The following CELSR1 variants were observed in gnomAD, a reference collection of about 807,000 sequenced individuals.
CELSR1 encodes the protein cadherin EGF LAG seven-pass G-type receptor 1.
In CELSR1, 110 loss-of-function variants were observed where a neutral mutation model predicts 249.1. That is an observed-to-expected ratio of 0.44 (90% CI 0.38 to 0.52). The LOEUF (loss-of-function observed/expected upper bound fraction) is 0.52, where lower values mean the gene tolerates loss of function less well. Among genes scored for constraint, CELSR1 ranks in the 20% least tolerant of loss-of-function variants. CELSR1 has a pLI of 0.00. For missense variants in CELSR1, 4,109 were observed against 4,296.4 expected (o/e 0.96, Z 1.22); for synonymous variants, 2,113 against 1,900.0 (o/e 1.11, Z -2.92).
intron 1 of CELSR1, among the ~76,000 whole-genome samples, chr22:46,525,874 C>T (rs1017965508): frequency 1.3e-5 from 2 of 152,264 alleles, no homozygotes; most frequent in African/African-American, 4.8e-5. Context: ...ACACTGGGGC[C>T]AGCGTGGGGT....
chr22:46,366,263 C>G (rs145438287), intron 30 of CELSR1, 123 bp downstream of exon 30: 6 of 278,308 alleles, frequency 2.2e-5, no homozygotes, highest in African/African-American at 9.4e-5. Flanking sequence ...GAAGAAGGTG[C>G]GGGTGGAAAG....
rs774566077 is a variant in CELSR1 at position 46,464,296 on chromosome 22, G to A, written c.3594C>T (p.Ile1198=). ...TAFCTLRVTI[I]TDDMLTNSIT... ...TGCTGTTGGTCAGCATGTCGTCCGTGATGATGGTGACACGCAGGGTGCAGA... is the reference window on the plus strand; with the variant it reads ...TGCTGTTGGTCAGCATGTCGTCCGTAATGATGGTGACACGCAGGGTGCAGA... Residue 1198 remains isoleucine (I), a synonymous_variant, in exon 2 of 35, where the codon ATC becomes ATT. Coordinates refer to ENST00000674500, the MANE Select transcript of CELSR1 (RefSeq NM_001378328.1). The surrounding 1 kb of genome is among the most constrained non-coding windows in gnomAD (Gnocchi z 8.5). The A allele has an allele frequency of 6.2e-6, 10 of 1,613,348 alleles. No individual in the cohort carries two copies. The highest frequency in any genetic ancestry group is 8.5e-6 in the Non-Finnish European group (10 of 1,180,042).
intron 1 of CELSR1, among the ~76,000 whole-genome samples, chr22:46,525,443 C>T (rs1322042095): frequency 2.3e-5 from 1 of 42,658 alleles, no homozygotes. Flanking sequence ...AAGCAAAACT[C>T]TGTCTCAAAA....
intron 1 of CELSR1, among the ~76,000 whole-genome samples, chr22:46,469,702 C>T (rs199502565): frequency 6.6e-4 from 100 of 151,344 alleles, no homozygotes; most frequent in East Asian, 6.6e-3. Flanking sequence ...TTTTAGTAGA[C>T]GAGGTTTCAC....
chr22:46,527,511 G>A lies in CELSR1; in HGVS notation c.3544+6116C>T, dbSNP rs1217038325. Among the ~76,000 whole-genome samples the A allele has an allele frequency of 6.6e-6, 1 of 152,160 alleles. No homozygotes were observed. The highest frequency in any genetic ancestry group is 2.1e-4 in the South Asian group (1 of 4,818). ...CAGCCCGCCCTTGCCTGCACCTGGT[G>A]TCACCACTCTACCCCTGAGCTCAGC... On this transcript the variant is annotated intron_variant, in intron 1 of 34. Coordinates refer to ENST00000674500, the MANE Select transcript of CELSR1 (RefSeq NM_001378328.1). The surrounding 1 kb of genome is among the most constrained non-coding windows in gnomAD (Gnocchi z 5.5).
chr22:46,442,324 C>A (rs1331307512), intron 2 of CELSR1, among the ~76,000 whole-genome samples: 1 of 152,260 alleles, frequency 6.6e-6, no homozygotes, highest in Non-Finnish European at 1.5e-5. Flanking sequence ...CTCGCTGGGG[C>A]AGCCCCCATC....
At chr22:46,415,030 C>T (rs1288543645) in intron 5 of CELSR1, among the ~76,000 whole-genome samples, 1 of 152,190 alleles carries the variant, frequency 6.6e-6, no homozygotes, top group South Asian at 2.1e-4. Flanking sequence ...AAAGGCCATG[C>T]ACCGCGTGAC....
chr22:46,411,044 CA>C lies in CELSR1; in HGVS notation c.4770-484del, dbSNP rs2079328541. Among the ~76,000 whole-genome samples the C allele has an allele frequency of 6.6e-6, 1 of 151,992 alleles. No homozygotes were observed. Among genetic ancestry groups the C allele is most frequent in the Admixed American group, 6.6e-5 (1 of 15,264 alleles). On this transcript the variant is annotated intron_variant, in intron 6 of 34. Transcript: ENST00000674500. The surrounding 1 kb of genome is among the most constrained non-coding windows in gnomAD (Gnocchi z 4.2). ...AACAGGATGGTGTCTACTAAAAATA[CA>C]AAAATTAGCTGGGCGTGGTGGTGCA...
In CELSR1 at chr22:46,399,021, A is replaced by C. The variant is rs1321011864; in HGVS notation, c.5413-384T>G. On this transcript the variant is annotated intron_variant, in intron 10 of 34. Transcript: ENST00000674500. This position sits in a 1 kb window ranked among gnomAD's most constrained non-coding sequence, Gnocchi z 5.0. Reference sequence around the variant, plus strand: ...TCACTCATTAACACTGTGGGAACCCAAGAGGGTCTCGGCTGAGATCCAGTC... The same window carrying C: ...TCACTCATTAACACTGTGGGAACCCCAGAGGGTCTCGGCTGAGATCCAGTC... Among the ~76,000 whole-genome samples the C allele has an allele frequency of 2.6e-5, 4 of 152,196 alleles. No homozygotes were observed.
intron 1 of CELSR1, among the ~76,000 whole-genome samples, chr22:46,498,971 G>A (rs2080441163): frequency 1.3e-5 from 2 of 151,888 alleles, no homozygotes; most frequent in South Asian, 4.2e-4. Context: ...CCTGAGGTCA[G>A]GAGTTCAAGA....
intron 1 of CELSR1, among the ~76,000 whole-genome samples, chr22:46,474,846 CTGCAGGTCCCA>C (rs1274817324): frequency 3.2e-5 from 4 of 125,428 alleles, no homozygotes; most frequent in Admixed American, 2.1e-4. Flanking sequence ...TGAACTCAAG[CTGCAGGTCCCA>C]GGCAGGTCAC....
chr22:46,415,086 A>G (rs1224916630), intron 5 of CELSR1, among the ~76,000 whole-genome samples: 1 of 152,234 alleles, frequency 6.6e-6, no homozygotes, highest in Non-Finnish European at 1.5e-5. Flanking sequence ...ACAGACACAG[A>G]GCAGACAGAT....
chr22:46,408,905 T>C lies in CELSR1; in HGVS notation c.5226+91A>G. 9.4e-7 allele frequency: 1 copy of C among 1,065,784 alleles called. No homozygotes were observed. Among genetic ancestry groups the C allele is most frequent in the Non-Finnish European group, 1.3e-6 (1 of 759,774 alleles). 66.0% of individuals were successfully genotyped at this position (1,065,784 alleles called of 1,614,324 possible). A position where few individuals can be genotyped will look rare whatever the true frequency, so the allele number is the denominator to read the frequency against. On this transcript the variant is annotated intron_variant, in intron 9 of 34. Transcript: ENST00000674500. The surrounding 1 kb of genome is among the most constrained non-coding windows in gnomAD (Gnocchi z 4.6). ...CGCCGGAGGAAGGGCGAGTAGCAGGTGCCCGAGTGTGCACCAGGAAGCCCA... is the reference window on the plus strand; with the variant it reads ...CGCCGGAGGAAGGGCGAGTAGCAGGCGCCCGAGTGTGCACCAGGAAGCCCA...
In CELSR1 at chr22:46,439,420, C is replaced by T. The variant is rs376398585; in HGVS notation, c.4184-9G>A. The T allele has an allele frequency of 4.7e-5, 75 of 1,606,306 alleles. No individual in the cohort carries two copies. Among genetic ancestry groups the T allele is most frequent in the African/African-American group, 2.5e-4 (19 of 74,824 alleles). ...CACCTCACAGTGCTCTCCTGGGGGG[C>T]GAGAGGAAGATGCCAGAGAGGAGGT... On this transcript the variant is annotated splice_polypyrimidine_tract_variant and intron_variant, in intron 2 of 34. Coordinates refer to ENST00000674500, the MANE Select transcript of CELSR1 (RefSeq NM_001378328.1).
chr22:46,410,243 C>T lies in CELSR1; in HGVS notation c.4933+155G>A, dbSNP rs187285070. Among the ~76,000 whole-genome samples the T allele has an allele frequency of 6.6e-5, 10 of 152,322 alleles. No homozygotes were observed. Among genetic ancestry groups the T allele is most frequent in the African/African-American group, 9.6e-5 (4 of 41,584 alleles). ...AGATGCACATCTCCAGCCTGGACTC[C>T]GGGTTCCATCCCAGGAGCTGCCCAC... On this transcript the variant is annotated intron_variant, in intron 7 of 34. Coordinates refer to ENST00000674500, the MANE Select transcript of CELSR1 (RefSeq NM_001378328.1). This position sits in a 1 kb window ranked among gnomAD's most constrained non-coding sequence, Gnocchi z 6.8.
At position 46,377,195 on chromosome 22, in the gene CELSR1, G is replaced by A. The variant is rs1440942192; in HGVS notation, c.7450C>T (p.Leu2484=). 4 of 1,613,888 alleles carry A rather than the reference G, an allele frequency of 2.5e-6. No homozygotes were observed. The East Asian group carries it at 8.9e-5, about 36-fold the overall frequency. Residue 2484 remains leucine (L), a synonymous_variant, in exon 24 of 35, where the codon CTG becomes TTG. Coordinates refer to ENST00000674500, the MANE Select transcript of CELSR1 (RefSeq NM_001378328.1). ...AAVSLSLAAL[L]VAFVLLSLVR... ...AGGCTCAGGAGGACGAAGGCCACCA[G>A]CAGGGCTGCCAGTGACAAGGACACA...
Position 46,367,858 on chromosome 22 carries a change from G to A in CELSR1, c.7953-3C>T, listed in dbSNP as rs2078804477. The A allele has an allele frequency of 6.2e-7, 1 of 1,608,568 alleles. No individual in the cohort carries two copies. Among genetic ancestry groups the A allele is most frequent in the African/African-American group, 1.3e-5 (1 of 74,874 alleles). ...GGAATGCGGTCCTCAGCAGGGAGCTGCGGGAGGGCAGGATCAGGCCTGTGC... is the reference window on the plus strand; with the variant it reads ...GGAATGCGGTCCTCAGCAGGGAGCTACGGGAGGGCAGGATCAGGCCTGTGC... On this transcript the variant is annotated splice_polypyrimidine_tract_variant and splice_region_variant and intron_variant, in intron 27 of 34. Coordinates refer to ENST00000674500, the MANE Select transcript of CELSR1 (RefSeq NM_001378328.1).
At chr22:46,467,506 G>GTT (rs35276900) in intron 1 of CELSR1, among the ~76,000 whole-genome samples, 48 of 135,856 alleles carry the variant, frequency 3.5e-4, no homozygotes, top group African/African-American at 1.3e-3. Context: ...GCACGAACAT[G>GTT]TTATATATAT....
At chr22:46,507,016 A>T (rs545937878) in intron 1 of CELSR1, among the ~76,000 whole-genome samples, 2 of 152,066 alleles carry the variant, frequency 1.3e-5, no homozygotes, top group Admixed American at 1.3e-4. Flanking sequence ...TGAAACCCCG[A>T]CTCTACTAAA....
Sources: allele counts gnomAD v4.1 joint callset (sites outside exome capture counted in the v4.1 genomes callset), GRCh38; gene constraint gnomAD v4.1.1; non-coding constraint Gnocchi (gnomAD v3.1); transcripts MANE v1.5; gene names NCBI Gene and HGNC (gene_info 2026-07-23, HGNC 2026-07-21).